The following SSH2 variants were observed in gnomAD, a reference collection of about 807,000 sequenced individuals.
SSH2 encodes protein phosphatase Slingshot homolog 2.
In SSH2, 37 loss-of-function variants were observed where a neutral mutation model predicts 135.2. The ratio of observed to expected loss-of-function variants is 0.27; its 90% CI spans 0.21 to 0.36. The LOEUF is 0.36. SSH2 is among the 10% of genes least tolerant of loss of function. SSH2 has a pLI of 1.00. For synonymous variants in SSH2, 628 were observed against 646.2 expected (o/e 0.97, Z 0.43); for missense variants, 1,408 against 1,765.3 (o/e 0.80, Z 3.63).
chr17:29,693,412 A>C (rs1335219327), intron 5 of SSH2, among the ~76,000 whole-genome samples: 1 of 152,004 alleles, frequency 6.6e-6, no homozygotes, highest in Admixed American at 6.6e-5. Context: ...CTTGGGTTCA[A>C]GTGATTCTCC....
intron 14 of SSH2, among the ~76,000 whole-genome samples, chr17:29,646,837 T>C (rs1244685155): frequency 6.6e-6 from 1 of 152,068 alleles, no homozygotes; most frequent in Non-Finnish European, 1.5e-5. Context: ...TTCTAGGAAG[T>C]GCTTTCATAC....
chr17:29,643,215 T>TG (rs998375582), intron 14 of SSH2: 1 of 985,282 alleles, frequency 1.0e-6, no homozygotes, highest in African/African-American at 1.7e-5. Context: ...GCGAGTCTGC[T>TG]GGGCCTATTC....
chr17:29,833,941 C>T (rs1599063548), intron 2 of SSH2, among the ~76,000 whole-genome samples: 1 of 133,990 alleles, frequency 7.5e-6, no homozygotes, highest in South Asian at 2.5e-4. Context: ...CCCTCCCTCC[C>T]TGCCTCCTTC....
chr17:29,703,726 G>A (rs1489781258), intron 3 of SSH2, among the ~76,000 whole-genome samples: 1 of 151,930 alleles, frequency 6.6e-6, no homozygotes, highest in Non-Finnish European at 1.5e-5. Context: ...TTACAGGAGC[G>A]AGCCACCACG....
At chr17:29,739,824 G>C (rs558678409) in intron 3 of SSH2, among the ~76,000 whole-genome samples, 1 of 152,270 alleles carries the variant, frequency 6.6e-6, no homozygotes, top group South Asian at 2.1e-4. Flanking sequence ...CTCACAGTAA[G>C]CAAAGCAACA....
In SSH2 at chr17:29,629,176, C is replaced by T. The variant is rs769066904; in HGVS notation, c.*1665G>A. ...CTACAAGAGGCTTGTTTATGACAGG[C>T]GCTGCTGCGTTAAGGATCTCCACAA... On this transcript the variant is annotated 3_prime_UTR_variant, in exon 16 of 16. Coordinates refer to ENST00000540801, the MANE Select transcript of SSH2 (RefSeq NM_001282129.2). 70 of 152,460 alleles carry T rather than the reference C, an allele frequency of 4.6e-4. No individual in the cohort carries two copies. Among genetic ancestry groups the T allele is most frequent in the East Asian group, 1.9e-3 (10 of 5,194 alleles). 9.4% of individuals were successfully genotyped at this position (152,460 alleles called of 1,614,324 possible).
chr17:29,634,814 G>A (rs1201209924), intron 15 of SSH2, among the ~76,000 whole-genome samples: 1 of 152,096 alleles, frequency 6.6e-6, no homozygotes, highest in Non-Finnish European at 1.5e-5. Flanking sequence ...GCCTCCCAAA[G>A]TGCTGGGATT....
intron 3 of SSH2, among the ~76,000 whole-genome samples, chr17:29,708,359 G>A (rs762704984): frequency 3.3e-5 from 5 of 151,884 alleles, no homozygotes; most frequent in African/African-American, 4.8e-5. Flanking sequence ...AGGCCAAGGC[G>A]GGCAGATCAC....
intron 1 of SSH2, among the ~76,000 whole-genome samples, chr17:29,909,335 G>A (rs1053804363): frequency 6.6e-5 from 10 of 151,842 alleles, no homozygotes; most frequent in African/African-American, 2.2e-4. Context: ...CTATAAAAAT[G>A]CCAAAATCAA....
In SSH2 at chr17:29,888,526, G is replaced by A. The variant is rs150460441; in HGVS notation, c.64-39597C>T. ...TGGACAACTCTCTGGGATGGAATCC[G>A]TATAAGTGTAAAGCAAAAACCTAGT... On this transcript the variant is annotated intron_variant, in intron 1 of 15. Coordinates refer to ENST00000540801, the MANE Select transcript of SSH2 (RefSeq NM_001282129.2). Among the ~76,000 whole-genome samples, 23 of 152,244 alleles carry A rather than the reference G, an allele frequency of 1.5e-4. No homozygotes were observed. The East Asian group carries it at 1.7e-3, about 12-fold the overall frequency.
At chr17:29,715,681 C>T (rs898340725) in intron 3 of SSH2, among the ~76,000 whole-genome samples, 19 of 152,246 alleles carry the variant, frequency 1.2e-4, no homozygotes, top group African/African-American at 4.3e-4. Context: ...AGCAGTAACT[C>T]TCTGTTTAGC....
chr17:29,812,291 C>CT (rs200491396), intron 2 of SSH2, among the ~76,000 whole-genome samples: 46 of 149,620 alleles, frequency 3.1e-4, no homozygotes, highest in Middle Eastern at 3.5e-3. Context: ...ATATTTCTGC[C>CT]TTTTTTTTTG....
At chr17:29,860,029 G>A (rs2065734194) in intron 1 of SSH2, among the ~76,000 whole-genome samples, 2 of 152,012 alleles carry the variant, frequency 1.3e-5, no homozygotes, top group Admixed American at 1.3e-4. Context: ...TGTATTTTTA[G>A]TAGAGATAGG....
In SSH2 at chr17:29,626,937, G is replaced by C. The variant is rs2035518586; in HGVS notation, c.*3904C>G. The C allele has an allele frequency of 6.6e-6, 1 of 152,242 alleles. No homozygotes were observed. The highest frequency in any genetic ancestry group is 6.5e-5 in the Admixed American group (1 of 15,284). The allele number at this position is 152,242 out of a possible 1,614,324, so 9.4% of individuals were successfully genotyped here. On this transcript the variant is annotated 3_prime_UTR_variant, in exon 16 of 16. Transcript: ENST00000540801. ...AACAAAATTAAACAAAATGACACTA[G>C]CCATTCACCATTACAACCATCACTA...
chr17:29,705,219 C>T (rs997972847), intron 3 of SSH2, among the ~76,000 whole-genome samples: 2 of 152,172 alleles, frequency 1.3e-5, no homozygotes, highest in African/African-American at 4.8e-5. Context: ...TCCCTATCAC[C>T]ACTATCACAC....
intron 3 of SSH2, among the ~76,000 whole-genome samples, chr17:29,782,584 T>G (rs1454478894): frequency 3.3e-5 from 5 of 152,118 alleles, no homozygotes; most frequent in Admixed American, 6.6e-5. Flanking sequence ...GGATCAGAGT[T>G]GTTTTTTGTT....
intron 3 of SSH2, among the ~76,000 whole-genome samples, chr17:29,726,248 G>A (rs1320655900): frequency 6.6e-6 from 1 of 152,216 alleles, no homozygotes; most frequent in African/African-American, 2.4e-5. Flanking sequence ...GAAAAGAAAG[G>A]ATGTTTCAGG....
At chr17:29,713,716 A>G (rs1435446803) in intron 3 of SSH2, among the ~76,000 whole-genome samples, 1 of 152,174 alleles carries the variant, frequency 6.6e-6, no homozygotes, top group Non-Finnish European at 1.5e-5. Flanking sequence ...CCTTGCTACA[A>G]AACACTTCTG....
chr17:29,634,711 C>T (rs1353579444), intron 15 of SSH2, among the ~76,000 whole-genome samples: 1 of 152,058 alleles, frequency 6.6e-6, no homozygotes. Context: ...CGCCACCACG[C>T]CCAGCTCATT....
Sources: gnomAD v4.1 joint callset for allele counts (sites outside exome capture counted in the v4.1 genomes callset) on GRCh38, gnomAD v4.1.1 for gene constraint, MANE v1.5 for transcripts, NCBI Gene and HGNC (gene_info 2026-07-23, HGNC 2026-07-21) for gene names.